The following HPSE2 variants were observed in gnomAD, a reference collection of about 807,000 sequenced individuals.
HPSE2 encodes the protein inactive heparanase-2.
In HPSE2, 38 loss-of-function variants were observed where a neutral mutation model predicts 60.5. The observed-to-expected ratio is 0.63, with a 90% CI of 0.48 to 0.82. The LOEUF (loss-of-function observed/expected upper bound fraction) is 0.82. Ranked by LOEUF, HPSE2 falls within the 40% of genes least tolerant of loss-of-function variation. HPSE2 has a pLI of 0.00. For missense variants in HPSE2, 713 were observed against 740.4 expected (o/e 0.96, Z 0.43); for synonymous variants, 295 against 293.2 (o/e 1.01, Z -0.06).
intron 9 of HPSE2, among the ~76,000 whole-genome samples, chr10:98,578,954 C>A (rs1944714513): frequency 6.6e-6 from 1 of 152,104 alleles, no homozygotes; most frequent in Admixed American, 6.6e-5. Context: ...GAGCTGAGAG[C>A]CATTGAAAAA....
chr10:99,028,168 GT>G (rs2135443405), intron 3 of HPSE2, among the ~76,000 whole-genome samples: 1 of 152,186 alleles, frequency 6.6e-6, no homozygotes, highest in East Asian at 1.9e-4. Context: ...AGACAAAGAT[GT>G]AAAGGGCAGT....
chr10:99,041,000 T>C (rs1014771829), intron 3 of HPSE2, among the ~76,000 whole-genome samples: 25 of 151,216 alleles, frequency 1.7e-4, no homozygotes, highest in African/African-American at 5.9e-4. Flanking sequence ...GGCAGGAGAA[T>C]GGCATGAACC....
chr10:99,000,937 T>C (rs1956764407), intron 3 of HPSE2, among the ~76,000 whole-genome samples: 1 of 152,128 alleles, frequency 6.6e-6, no homozygotes, highest in Non-Finnish European at 1.5e-5. Flanking sequence ...CAGTGTTATA[T>C]AGGATATTGG....
intron 2 of HPSE2, among the ~76,000 whole-genome samples, chr10:99,205,989 T>C (rs917128557): frequency 1.3e-5 from 2 of 152,226 alleles, no homozygotes; most frequent in Non-Finnish European, 2.9e-5. Context: ...GGGACTCATA[T>C]GAAGTGTCAC....
At chr10:98,919,016 G>A (rs2135054668) in intron 3 of HPSE2, among the ~76,000 whole-genome samples, 1 of 152,044 alleles carries the variant, frequency 6.6e-6, no homozygotes, top group East Asian at 1.9e-4. Flanking sequence ...ACAGCCTGGG[G>A]CCTTAAGAAA....
intron 3 of HPSE2, among the ~76,000 whole-genome samples, chr10:98,992,147 A>G (rs1169487865): frequency 6.6e-6 from 1 of 152,246 alleles, no homozygotes; most frequent in African/African-American, 2.4e-5. Flanking sequence ...TATGTAAGGC[A>G]ACTTTTAAAA....
At chr10:98,648,570 A>T (rs1946836293) in intron 6 of HPSE2, among the ~76,000 whole-genome samples, 1 of 152,082 alleles carries the variant, frequency 6.6e-6, no homozygotes, top group Admixed American at 6.5e-5. Context: ...TCCTGAGGCC[A>T]AGAGTTTGAG....
intron 2 of HPSE2, among the ~76,000 whole-genome samples, chr10:99,209,155 T>C (rs1027934176): frequency 1.3e-5 from 2 of 152,274 alleles, no homozygotes; most frequent in African/African-American, 4.8e-5. Flanking sequence ...AACAGACATA[T>C]ATAAAACATT....
chr10:98,576,298 G>C (rs993878393), intron 9 of HPSE2, among the ~76,000 whole-genome samples: 1 of 151,948 alleles, frequency 6.6e-6, no homozygotes, highest in African/African-American at 2.4e-5. Context: ...GGCTGGGGAG[G>C]GGAGGGGTGA....
intron 9 of HPSE2, among the ~76,000 whole-genome samples, chr10:98,536,578 T>A (rs866601214): frequency 6.6e-6 from 1 of 152,186 alleles, no homozygotes; most frequent in Non-Finnish European, 1.5e-5. Flanking sequence ...ATGTTTGCCA[T>A]CTAAGGCCAA....
chr10:99,096,929 T>C (rs535613439), intron 3 of HPSE2, among the ~76,000 whole-genome samples: 1 of 152,178 alleles, frequency 6.6e-6, no homozygotes, highest in South Asian at 2.1e-4. Flanking sequence ...AAATGCAGCA[T>C]TGGTGGGAGC....
intron 9 of HPSE2, among the ~76,000 whole-genome samples, chr10:98,497,603 T>G (rs10883109): frequency 0.85 from 129,682 of 151,974 alleles, 56,778 homozygotes; most frequent in East Asian, 0.96. Flanking sequence ...CATATTTATT[T>G]AAAGCATTTT....
At chr10:99,156,566 A>G (rs1009417503) in intron 2 of HPSE2, among the ~76,000 whole-genome samples, 11 of 130,412 alleles carry the variant, frequency 8.4e-5, no homozygotes, top group African/African-American at 2.5e-4. Context: ...CATGCTAAAA[A>G]CTCTCAATAC....
At chr10:98,806,588 G>A (rs1036390615) in intron 3 of HPSE2, among the ~76,000 whole-genome samples, 14 of 152,228 alleles carry the variant, frequency 9.2e-5, no homozygotes, top group African/African-American at 2.9e-4. Context: ...TATATTCAAT[G>A]TGAAAGTGCT....
intron 2 of HPSE2, among the ~76,000 whole-genome samples, chr10:99,229,862 A>T: frequency 6.6e-6 from 1 of 152,238 alleles, no homozygotes; most frequent in Non-Finnish European, 1.5e-5. Flanking sequence ...TAAGATGCTC[A>T]TGATGATAAC....
At chr10:98,802,709 C>A (rs1312053171) in intron 3 of HPSE2, among the ~76,000 whole-genome samples, 1 of 150,344 alleles carries the variant, frequency 6.7e-6, no homozygotes, top group Admixed American at 6.6e-5. Flanking sequence ...TTTTCTTAAT[C>A]CAGTCTATCA....
intron 3 of HPSE2, among the ~76,000 whole-genome samples, chr10:99,026,765 A>G (rs1048750727): frequency 5.9e-5 from 9 of 152,228 alleles, no homozygotes; most frequent in Non-Finnish European, 2.9e-5. Context: ...AAATAGTATC[A>G]AGTATCTTCC....
intron 3 of HPSE2, among the ~76,000 whole-genome samples, chr10:99,068,778 AAG>A (rs1374055945): frequency 6.6e-6 from 1 of 152,206 alleles, no homozygotes; most frequent in African/African-American, 2.4e-5. Context: ...TCATGAATGA[AAG>A]AGGGCACATC....
At chr10:99,253,622 T>G in the HPSE2 span, among the ~76,000 whole-genome samples, 1 of 152,030 alleles carries the variant, frequency 6.6e-6, no homozygotes, top group African/African-American at 2.4e-5. Flanking sequence ...CTAAGTAAAT[T>G]AAATGGCTTC....
Sources: gnomAD v4.1 joint callset for allele counts (sites outside exome capture counted in the v4.1 genomes callset) on GRCh38, gnomAD v4.1.1 for gene constraint, MANE v1.5 for transcripts, NCBI Gene and HGNC (gene_info 2026-07-23, HGNC 2026-07-21) for gene names.